Variants in VPS13B observed in about 807,000 individuals in gnomAD.
VPS13B encodes the protein intermembrane lipid transfer protein VPS13B.
In VPS13B, 285 loss-of-function variants were observed where a neutral mutation model predicts 426.4. That is an observed-to-expected ratio of 0.67 (90% CI 0.61 to 0.74). VPS13B has a LOEUF of 0.74. VPS13B is among the 30% of genes least tolerant of loss of function. The probability of loss-of-function intolerance (pLI) is 0.00; values close to 1 mark genes in which losing one functional copy is unlikely to be tolerated. For synonymous variants in VPS13B, 1,676 were observed against 1,676.4 expected (o/e 1.00, Z 0.01); for missense variants, 4,537 against 4,782.6 (o/e 0.95, Z 1.51).
intron 17 of VPS13B, among the ~76,000 whole-genome samples, chr8:99,227,648 TTGAA>T (rs1351644848): frequency 8.5e-5 from 13 of 152,118 alleles, no homozygotes; most frequent in African/African-American, 2.9e-4. Context: ...TTTTAACAAG[TTGAA>T]TGATGATTAG....
intron 17 of VPS13B, among the ~76,000 whole-genome samples, chr8:99,206,488 A>G (rs1814731726): frequency 6.6e-6 from 1 of 152,142 alleles, no homozygotes; most frequent in Non-Finnish European, 1.5e-5. Context: ...GAGAGCCAAT[A>G]TTTTCCAACT....
intron 43 of VPS13B, among the ~76,000 whole-genome samples, chr8:99,791,804 G>A (rs1248642990): frequency 6.6e-6 from 1 of 150,862 alleles, no homozygotes; most frequent in African/African-American, 2.4e-5. Flanking sequence ...AAAATTTTGA[G>A]CAAGTAATTT....
At chr8:99,046,032 C>T (rs1476519049) in intron 3 of VPS13B, among the ~76,000 whole-genome samples, 5 of 152,068 alleles carry the variant, frequency 3.3e-5, no homozygotes, top group Non-Finnish European at 5.9e-5. Flanking sequence ...TAGGCAGACT[C>T]ATTTTTTGGT....
chr8:99,762,936 G>A (rs915163653), intron 39 of VPS13B, among the ~76,000 whole-genome samples: 6 of 151,630 alleles, frequency 4.0e-5, no homozygotes, highest in South Asian at 2.1e-4. Context: ...CCAGGAGTTC[G>A]AAACTAGCCT....
intron 33 of VPS13B, among the ~76,000 whole-genome samples, chr8:99,595,955 A>G (rs1184539798): frequency 6.6e-6 from 1 of 151,984 alleles, no homozygotes; most frequent in Non-Finnish European, 1.5e-5. Flanking sequence ...TCAAAGCCAC[A>G]AGAAAACACC....
At position 99,192,933 on chromosome 8, in the gene VPS13B, A is replaced by T. The variant is rs779558474; in HGVS notation, c.2391A>T (p.Thr797=). Residue 797 remains threonine (T), a synonymous_variant, in exon 17 of 62, where the codon ACA becomes ACT. Transcript: ENST00000357162. ...TEGIFELPNL[T]IQATRAQTLL... ...GTATATTTGAACTTCCAAATCTCAC[A>T]ATTCAAGCTACAAGAGCACAGACAC... 6.2e-7 allele frequency: 1 copy of T among 1,613,676 alleles called. No individual in the cohort carries two copies. Among genetic ancestry groups the T allele is most frequent in the East Asian group, 2.2e-5 (1 of 44,802 alleles).
intron 33 of VPS13B, among the ~76,000 whole-genome samples, chr8:99,613,627 T>C (rs1186175081): frequency 6.6e-6 from 1 of 152,244 alleles, no homozygotes; most frequent in Non-Finnish European, 1.5e-5. Context: ...TCATTTCTTC[T>C]GTTGTTCAGT....
In VPS13B at chr8:99,734,448, A is replaced by C. The variant is rs539957339; in HGVS notation, c.7050+13401A>C. ...CTTAAAATCTAAGCTTCATGAAACA[A>C]ATAGATTGGCAATAATTACCCAGCA... On this transcript the variant is annotated intron_variant, in intron 39 of 61. Transcript: ENST00000357162. Among the ~76,000 whole-genome samples, 27 of 152,352 alleles carry C rather than the reference A, an allele frequency of 1.8e-4. 1 individual carries two copies. In the South Asian group the frequency reaches 3.5e-3, roughly 20 times the overall value.
chr8:99,510,315 T>A (rs1368500100), intron 28 of VPS13B, among the ~76,000 whole-genome samples: 2 of 152,202 alleles, frequency 1.3e-5, no homozygotes, highest in Non-Finnish European at 2.9e-5. Flanking sequence ...TTATATCCTA[T>A]CTAGTGAAGG....
intron 19 of VPS13B, among the ~76,000 whole-genome samples, chr8:99,300,698 C>G (rs1415709674): frequency 1.3e-5 from 2 of 152,116 alleles, no homozygotes; most frequent in Non-Finnish European, 2.9e-5. Context: ...GTTATCCATT[C>G]AAGAGAGATT....
intron 39 of VPS13B, among the ~76,000 whole-genome samples, chr8:99,758,518 T>C (rs996708103): frequency 6.6e-6 from 1 of 152,222 alleles, no homozygotes; most frequent in Non-Finnish European, 1.5e-5. Flanking sequence ...AGCATTGTTA[T>C]CTTTAAGAAT....
intron 40 of VPS13B, among the ~76,000 whole-genome samples, chr8:99,772,874 T>G (rs1403617409): frequency 6.6e-6 from 1 of 152,132 alleles, no homozygotes; most frequent in Non-Finnish European, 1.5e-5. Flanking sequence ...TCTCACGGGA[T>G]GGACAGAGCA....
chr8:99,270,131 C>CTATTTTTTTTTTTTTTTTTTTT (rs1818502435), intron 17 of VPS13B, among the ~76,000 whole-genome samples: 1 of 30,312 alleles, frequency 3.3e-5, no homozygotes, highest in Admixed American at 6.2e-4. Context: ...ATATAAGAAT[C>CTATTTTTTTTTTTTTTTTTTTT]TTTTTTTTTT....
intron 23 of VPS13B, among the ~76,000 whole-genome samples, chr8:99,455,750 T>G (rs911804427): frequency 3.9e-5 from 6 of 152,208 alleles, no homozygotes; most frequent in Admixed American, 3.9e-4. Context: ...CTGGCTTCTT[T>G]CACTTGGTGT....
intron 14 of VPS13B, among the ~76,000 whole-genome samples, chr8:99,154,943 TA>T (rs1384222323): frequency 6.6e-6 from 1 of 151,886 alleles, no homozygotes; most frequent in Non-Finnish European, 1.5e-5. Flanking sequence ...TTAAATATAA[TA>T]AAAAATCAAT....
In VPS13B at chr8:99,691,247, C is replaced by CTGTG. The variant is rs144300139; in HGVS notation, c.6047-8254_6047-8251dup. On this transcript the variant is annotated intron_variant, in intron 35 of 61. Transcript: ENST00000357162. ...AGTGACTGCTCAGTAGTATGGGATA[C>CTGTG]TGTGTGTGTGTGTGTGTGTGTGTGT... Among the ~76,000 whole-genome samples, 1,175 of 146,996 alleles carry CTGTG rather than the reference C, an allele frequency of 8.0e-3. 9 individuals carry two copies. Among genetic ancestry groups the CTGTG allele is most frequent in the South Asian group, 0.028 (129 of 4,602 alleles).
At chr8:99,440,294 G>A (rs1039052076) in intron 22 of VPS13B, among the ~76,000 whole-genome samples, 2 of 152,092 alleles carry the variant, frequency 1.3e-5, no homozygotes, top group African/African-American at 4.8e-5. Flanking sequence ...GTCCCAACCA[G>A]ATGGTTTCCA....
intron 19 of VPS13B, among the ~76,000 whole-genome samples, chr8:99,312,057 T>C (rs1821013908): frequency 6.6e-6 from 1 of 152,210 alleles, no homozygotes; most frequent in South Asian, 2.1e-4. Context: ...ATTTTGAGCC[T>C]ATGTGGGTCT....
chr8:99,748,887 G>T (rs531820184), intron 39 of VPS13B, among the ~76,000 whole-genome samples: 12 of 151,986 alleles, frequency 7.9e-5, no homozygotes, highest in Non-Finnish European at 1.2e-4. Context: ...AGAATTTCTG[G>T]CACACAGAAC....
Sources: allele counts gnomAD v4.1 joint callset (sites outside exome capture counted in the v4.1 genomes callset), GRCh38; gene constraint gnomAD v4.1.1; transcripts MANE v1.5; gene names NCBI Gene and HGNC (gene_info 2026-07-23, HGNC 2026-07-21).